Variants in AK6 observed in about 807,000 individuals in gnomAD.
AK6 encodes the protein adenylate kinase 6.
In AK6, 24 loss-of-function variants were observed where a neutral mutation model predicts 23.7. The observed-to-expected ratio is 1.01, with a 90% confidence interval of 0.73 to 1.43. The LOEUF (loss-of-function observed/expected upper bound fraction) is 1.43. Among genes scored for constraint, AK6 ranks in the 40% most tolerant of loss-of-function variants. AK6 has a pLI of 0.00. For synonymous variants in AK6, 73 were observed against 69.8 expected (o/e 1.05, Z -0.23); for missense variants, 191 against 199.1 (o/e 0.96, Z 0.24).
chr5:69,354,847 A>G (rs1762040208), intron 4 of AK6, among the ~76,000 whole-genome samples: 1 of 152,104 alleles, frequency 6.6e-6, no homozygotes, highest in Admixed American at 6.5e-5. Context: ...TTTGTTTGAG[A>G]CGGAGTCTCA....
At chr5:69,356,018 A>T (rs1366402008) in intron 2 of AK6, 65 bp from the exon 3 acceptor site, 3 of 1,358,258 alleles carry the variant, frequency 2.2e-6, no homozygotes, top group Non-Finnish European at 3.1e-6. Context: ...TTTTCAATTA[A>T]TTCTAGACTT....
At chr5:69,365,903 A>T (rs548157197) in intron 2 of AK6, 1 of 502,558 alleles carries the variant, frequency 2.0e-6, no homozygotes, top group East Asian at 3.2e-5. Flanking sequence ...CTTAATTTTA[A>T]TGAGGCAACT....
chr5:69,369,822 C>A, upstream of AK6: 1 of 1,022,268 alleles, frequency 9.8e-7, no homozygotes, highest in Non-Finnish European at 1.4e-6. Flanking sequence ...GAGGCCGTAC[C>A]TCCGAGAGGC....
rs767785587 is a variant in AK6, at chr5:69,364,995, C to T, written c.121+1508G>A. 10 of 1,613,650 alleles carry T rather than the reference C, an allele frequency of 6.2e-6. No individual in the cohort carries two copies. Among genetic ancestry groups the T allele is most frequent in the Admixed American group, 3.3e-5 (2 of 59,982 alleles). On this transcript the variant is annotated intron_variant, in intron 2 of 4. Transcript: ENST00000380822. ...ATCATCGTCATCATCATCATCTTCA[C>T]GTTTTCTTTTCAATGCATTTGATGA...
intron 4 of AK6, among the ~76,000 whole-genome samples, chr5:69,353,490 G>A (rs1381967751): frequency 1.3e-5 from 2 of 151,894 alleles, no homozygotes; most frequent in Non-Finnish European, 2.9e-5. Flanking sequence ...TAGAGACGGG[G>A]TTTCACCATG....
intron 2 of AK6, chr5:69,365,261 A>C (rs779258687): frequency 3.7e-6 from 6 of 1,614,068 alleles, no homozygotes; most frequent in Middle Eastern, 1.6e-4. Flanking sequence ...CTAGTGTGGG[A>C]GTACTTGGTC....
rs1015391940 is a variant in AK6, at chr5:69,369,125, C to A, written c.28+338G>T. ...TTTCGCTAAAAATCCCAAGGCCAAC[C>A]CTGCCAAAGAATCAACAACCCATTT... is the stretch of plus-strand genomic sequence containing the variant. On this transcript the variant is annotated intron_variant, in intron 1 of 4. Coordinates refer to ENST00000380822, the MANE Select transcript of AK6 (RefSeq NM_016283.5). The A allele has an allele frequency of 4.4e-4, 190 of 430,220 alleles. 1 individual carries two copies. Among genetic ancestry groups the A allele is most frequent in the Middle Eastern group, 5.9e-4 (1 of 1,700 alleles). The allele number at this position is 430,220 out of a possible 1,614,324, so 26.7% of individuals were successfully genotyped here.
chr5:69,357,157 G>A (rs908498371), intron 2 of AK6, among the ~76,000 whole-genome samples: 1 of 152,194 alleles, frequency 6.6e-6, no homozygotes, highest in African/African-American at 2.4e-5. Flanking sequence ...TGGTCACTGC[G>A]GGGGCAGTCT....
intron 2 of AK6, 84 bp from the exon 3 acceptor site, chr5:69,356,037 GA>G (rs746015118): frequency 6.0e-5 from 68 of 1,142,616 alleles, no homozygotes; most frequent in Non-Finnish European, 8.1e-5. Context: ...TTCAGGAAAG[GA>G]AATGTATCAT....
intron 2 of AK6, among the ~76,000 whole-genome samples, chr5:69,361,446 C>CT (rs200519136): frequency 0.017 from 2,543 of 146,878 alleles, 74 homozygotes; most frequent in African/African-American, 0.06. Context: ...TAATAGTTTT[C>CT]TTTTTTTTTT....
intron 4 of AK6, among the ~76,000 whole-genome samples, chr5:69,354,423 G>A (rs950955184): frequency 1.3e-5 from 2 of 152,144 alleles, no homozygotes; most frequent in Non-Finnish European, 2.9e-5. Context: ...AAATAATAGT[G>A]GTTAGTCAGA....
upstream of AK6, chr5:69,369,607 C>A: frequency 6.3e-7 from 1 of 1,583,246 alleles, no homozygotes; most frequent in East Asian, 2.3e-5. Context: ...CGAAGCCCAC[C>A]GCGGCGCCCC....
Position 69,352,160 on chromosome 5 carries a change from G to C in AK6, c.420C>G (p.Ile140Met). The change falls in exon 5 of 5, where the codon ATC (isoleucine) becomes ATG (methionine). Residue 140 changes from isoleucine to methionine, a missense_variant. Physicochemically the swap from Ile to Met is conservative, Grantham distance 10. Coordinates refer to ENST00000380822, the MANE Select transcript of AK6 (RefSeq NM_016283.5). ...GTTTATTACTGGGCAGCTGATGCAC[G>C]ATTTCTTCCTTGTAGGATGCTGTGG... The part of the protein sequence containing the change: ...EEATASYKEE[I>M]VHQLPSNKPE... 1 of 1,613,862 alleles carries C rather than the reference G, an allele frequency of 6.2e-7. No individual in the cohort carries two copies. Among genetic ancestry groups the C allele is most frequent in the Non-Finnish European group, 8.5e-7 (1 of 1,179,878 alleles).
chr5:69,369,230 C>A lies in AK6; in HGVS notation c.28+233G>T, dbSNP rs1310126924. The A allele has an allele frequency of 1.7e-4, 16 of 93,726 alleles. 2 individuals carry two copies. The highest frequency in any genetic ancestry group is 4.7e-3 in the Middle Eastern group (1 of 212). The allele number at this position is 93,726 out of a possible 1,614,324, so 5.8% of individuals were successfully genotyped here. ...TGGATCTGCCGACCTCTCTCCACCC[C>A]CCCCCGCCCCCCCCCGGAGCCTCAG... On this transcript the variant is annotated intron_variant, in intron 1 of 4. Transcript: ENST00000380822.
chr5:69,369,800 G>A (rs1372928919), upstream of AK6: 3 of 1,292,860 alleles, frequency 2.3e-6, no homozygotes, highest in African/African-American at 4.5e-5. Context: ...GACCAGTCTG[G>A]AAGGTCCCCG....
At chr5:69,359,608 A>T (rs1762176445) in intron 2 of AK6, among the ~76,000 whole-genome samples, 1 of 152,188 alleles carries the variant, frequency 6.6e-6, no homozygotes, top group African/African-American at 2.4e-5. Flanking sequence ...CTGTTTGTCA[A>T]ACTGTAAAAT....
chr5:69,352,586 A>G (rs1477533393), intron 4 of AK6, among the ~76,000 whole-genome samples: 1 of 152,252 alleles, frequency 6.6e-6, no homozygotes, highest in African/African-American at 2.4e-5. Flanking sequence ...AAACTTAAGC[A>G]AAGAATCTGA....
intron 2 of AK6, chr5:69,364,601 T>A (rs1371274979): frequency 2.8e-6 from 1 of 357,878 alleles, no homozygotes; most frequent in African/African-American, 2.1e-5. Flanking sequence ...GATCTATGTA[T>A]CTGAAGACGT....
chr5:69,362,908 G>A (rs1333162801), intron 2 of AK6, among the ~76,000 whole-genome samples: 2 of 152,124 alleles, frequency 1.3e-5, no homozygotes, highest in African/African-American at 4.8e-5. Context: ...CAAAGAGGAT[G>A]GGTGGGACTA....
Sources: gnomAD v4.1 joint callset for allele counts (sites outside exome capture counted in the v4.1 genomes callset) on GRCh38, gnomAD v4.1.1 for gene constraint, MANE v1.5 for transcripts, NCBI Gene and HGNC (gene_info 2026-07-23, HGNC 2026-07-21) for gene names.